Variants in DTNA observed in about 807,000 individuals in gnomAD.
DTNA encodes the protein dystrobrevin alpha.
A neutral mutation model predicts 100.7 loss-of-function variants in DTNA; 43 were observed. The ratio of observed to expected loss-of-function variants is 0.43; its 90% CI spans 0.33 to 0.55. The LOEUF is 0.55. Ranked by LOEUF, DTNA falls within the 20% of genes least tolerant of loss-of-function variation. The pLI, the probability that DTNA is intolerant of heterozygous loss-of-function variation, is 0.04. For missense variants in DTNA, 798 were observed against 953.9 expected (o/e 0.84, Z 2.15); for synonymous variants, 349 against 347.9 (o/e 1.00, Z -0.04).
chr18:34,780,865 A>G (rs554476425), intron 3 of DTNA, among the ~76,000 whole-genome samples: 19 of 152,314 alleles, frequency 1.2e-4, no homozygotes, highest in South Asian at 4.1e-4. Context: ...ACCTTGTCCA[A>G]TGCACTCCAG....
intron 1 of DTNA, chr18:34,755,680 A>C (rs1176738153): frequency 2.2e-5 from 8 of 358,474 alleles, no homozygotes; most frequent in Non-Finnish European, 4.2e-5. Flanking sequence ...GTCACCTAAC[A>C]GATGGTAGAT....
chr18:34,818,286 G>T lies in DTNA; in HGVS notation c.832G>T (p.Gly278Cys). The change falls in exon 8 of 23, where the codon GGT becomes TGT. Residue 278 changes from glycine to cysteine, a missense_variant. Around this residue, in one of 6 missense-constraint regions of DTNA, gnomAD observed 81 missense variants for 153.5 expected, o/e 0.53. Transcript: ENST00000444659. ...QDCFWRGHAG[G>C]SHSNQHQMKE... ...CTGCTTCTGGAGGGGACATGCCGGT[G>T]GTTCTCATAGCAACCAGCACCAAAT... 1 of 1,613,974 alleles carries T rather than the reference G, an allele frequency of 6.2e-7. No individual in the cohort carries two copies. Among genetic ancestry groups the T allele is most frequent in the Non-Finnish European group, 8.5e-7 (1 of 1,179,954 alleles).
At chr18:34,550,230 G>A (rs996804859) in intron 1 of DTNA, among the ~76,000 whole-genome samples, 2 of 152,124 alleles carry the variant, frequency 1.3e-5, no homozygotes, top group Non-Finnish European at 2.9e-5. Context: ...GGAATTGGCA[G>A]GATGAGAGTG....
intron 9 of DTNA, among the ~76,000 whole-genome samples, chr18:34,824,433 G>A (rs909369793): frequency 1.3e-5 from 2 of 151,136 alleles, no homozygotes; most frequent in Admixed American, 1.3e-4. Flanking sequence ...CCGAGATCGC[G>A]CCACCGCACT....
chr18:34,795,167 CAGA>C (rs537908157), intron 4 of DTNA, among the ~76,000 whole-genome samples: 1 of 152,110 alleles, frequency 6.6e-6, no homozygotes, highest in South Asian at 2.1e-4. Flanking sequence ...TTGAGATTCT[CAGA>C]AGGTTTTACT....
Position 34,864,079 on chromosome 18 carries a change from A to G in DTNA, c.1743+17A>G, listed in dbSNP as rs909886069. 6.3e-7 allele frequency: 1 copy of G among 1,592,144 alleles called. No individual in the cohort carries two copies. The highest frequency in any genetic ancestry group is 8.6e-7 in the Non-Finnish European group (1 of 1,168,568). ...CTACTAAAGGTAAGACCTGCCAGAT[A>G]AATTTTCCTGAGCTTATTTTCCATG... is the stretch of plus-strand genomic sequence containing the variant. On this transcript the variant is annotated intron_variant, in intron 17 of 22. Coordinates refer to ENST00000444659, the MANE Select transcript of DTNA (RefSeq NM_001386795.1).
chr18:34,764,991 G>T (rs1341856033), intron 2 of DTNA, among the ~76,000 whole-genome samples: 4 of 152,188 alleles, frequency 2.6e-5, no homozygotes, highest in Admixed American at 2.6e-4. Flanking sequence ...GGAATACTAG[G>T]AGCTCAGGTC....
intron 1 of DTNA, among the ~76,000 whole-genome samples, chr18:34,703,111 C>G (rs1384060673): frequency 6.6e-6 from 1 of 152,148 alleles, no homozygotes; most frequent in East Asian, 1.9e-4. Flanking sequence ...GTTAGGAAAG[C>G]TCAACCGCAG....
intron 1 of DTNA, among the ~76,000 whole-genome samples, chr18:34,548,087 G>A (rs2044997395): frequency 6.6e-6 from 1 of 152,108 alleles, no homozygotes; most frequent in Non-Finnish European, 1.5e-5. Context: ...TGTTTCTTGA[G>A]GCTTAGGAGA....
chr18:34,867,283 A>C, intron 17 of DTNA: 1 of 1,231,382 alleles, frequency 8.1e-7, no homozygotes, highest in Non-Finnish European at 1.0e-6. Flanking sequence ...TCTGTAAAAA[A>C]GGAAAGTGTA....
Position 34,888,054 on chromosome 18 carries a change from G to A in DTNA, c.*320G>A, listed in dbSNP as rs1263717920. 14 of 985,736 alleles carry A rather than the reference G, an allele frequency of 1.4e-5. No individual in the cohort carries two copies. The highest frequency in any genetic ancestry group is 1.7e-5 in the Non-Finnish European group (14 of 829,956). 61.1% of individuals were successfully genotyped at this position (985,736 alleles called of 1,614,324 possible). A position where few individuals can be genotyped will look rare whatever the true frequency, so the allele number is the denominator to read the frequency against. The stretch of plus-strand genomic sequence containing the variant: ...ACTTATCAGCTACATCCTCTGTAAC[G>A]TGGTTCATCCCTGGTTAAAAAGCAA... On this transcript the variant is annotated 3_prime_UTR_variant, in exon 23 of 23. Transcript: ENST00000444659.
chr18:34,727,774 AG>A (rs2087049046), intron 1 of DTNA, among the ~76,000 whole-genome samples: 1 of 152,166 alleles, frequency 6.6e-6, no homozygotes, highest in African/African-American at 2.4e-5. Flanking sequence ...CATGTTGGTC[AG>A]GCTAGTGTCA....
chr18:34,576,855 C>G (rs528444105), intron 1 of DTNA, among the ~76,000 whole-genome samples: 1 of 152,260 alleles, frequency 6.6e-6, no homozygotes, highest in South Asian at 2.1e-4. Flanking sequence ...CAGCCCATGT[C>G]TTGTCATGCG....
chr18:34,735,838 G>A (rs1471806170), intron 1 of DTNA, among the ~76,000 whole-genome samples: 2 of 151,948 alleles, frequency 1.3e-5, no homozygotes, highest in Non-Finnish European at 2.9e-5. Flanking sequence ...CTGTCCCTCC[G>A]CCAACCTAAC....
At position 34,891,335 on chromosome 18, in the gene DTNA, A is replaced by G. The variant is rs2150530892; in HGVS notation, c.*3601A>G. ...TGTTATATTTTGAAGTGATTAAACTATTTAATTGTGTGTCTATATTTTGGA... is the reference window on the plus strand; with the variant it reads ...TGTTATATTTTGAAGTGATTAAACTGTTTAATTGTGTGTCTATATTTTGGA... On this transcript the variant is annotated 3_prime_UTR_variant, in exon 23 of 23. Transcript: ENST00000444659. The G allele has an allele frequency of 6.6e-6, 1 of 152,600 alleles. No individual in the cohort carries two copies. Among genetic ancestry groups the G allele is most frequent in the East Asian group, 1.9e-4 (1 of 5,180 alleles). 9.5% of individuals were successfully genotyped at this position (152,600 alleles called of 1,614,324 possible).
intron 1 of DTNA, among the ~76,000 whole-genome samples, chr18:34,613,666 C>T (rs1252579379): frequency 6.6e-6 from 1 of 152,210 alleles, no homozygotes; most frequent in Non-Finnish European, 1.5e-5. Flanking sequence ...TAATCCAGCT[C>T]AAGGCCCTAA....
intron 1 of DTNA, among the ~76,000 whole-genome samples, chr18:34,559,408 G>A (rs974323623): frequency 1.3e-5 from 2 of 152,174 alleles, no homozygotes; most frequent in Non-Finnish European, 2.9e-5. Context: ...TTAAATGTGT[G>A]CAACCTTTTT....
chr18:34,636,893 T>C (rs1313151535), intron 1 of DTNA, among the ~76,000 whole-genome samples: 2 of 152,132 alleles, frequency 1.3e-5, no homozygotes, highest in East Asian at 3.9e-4. Context: ...TAGTAATCTG[T>C]TTGCTGACAG....
At chr18:34,599,700 T>C (rs1291246057) in intron 1 of DTNA, among the ~76,000 whole-genome samples, 1 of 152,190 alleles carries the variant, frequency 6.6e-6, no homozygotes, top group Non-Finnish European at 1.5e-5. Flanking sequence ...TTGTTTCTTT[T>C]TTGAGACAAA....
Sources: allele counts gnomAD v4.1 joint callset (sites outside exome capture counted in the v4.1 genomes callset), GRCh38; gene constraint gnomAD v4.1.1; regional missense constraint gnomAD v4.1.1; transcripts MANE v1.5; gene names NCBI Gene and HGNC (gene_info 2026-07-23, HGNC 2026-07-21).